BTBD2: variants seen among roughly 807,000 people sequenced by gnomAD.
BTBD2 encodes BTB domain containing 2, also known as BTB/POZ domain-containing protein 2.
A neutral mutation model predicts 44.0 loss-of-function variants in BTBD2; 15 were observed. That is an observed-to-expected ratio of 0.34 (90% CI 0.23 to 0.53). The LOEUF is 0.53. Ranked by LOEUF, BTBD2 falls within the 20% of genes least tolerant of loss-of-function variation. BTBD2 has a pLI of 0.95. For missense variants in BTBD2, 657 were observed against 746.4 expected (o/e 0.88, Z 1.39); for synonymous variants, 443 against 335.9 (o/e 1.32, Z -3.49).
At chr19:1,990,492 T>C in intron 4 of BTBD2, 1 of 610,062 alleles carries the variant, frequency 1.6e-6, no homozygotes, top group Non-Finnish European at 2.9e-6. Context: ...GAGGACGAGA[T>C]GGTCACCATC....
At chr19:1,990,612 C>T in intron 4 of BTBD2, 105 bp downstream of exon 4, 1 of 1,075,182 alleles carries the variant, frequency 9.3e-7, no homozygotes, top group East Asian at 2.6e-5. Flanking sequence ...GAGGCCCCAG[C>T]TCACCTGTGC....
At chr19:1,999,685 GT>G (rs1568219033) in intron 1 of BTBD2, among the ~76,000 whole-genome samples, 12 of 151,880 alleles carry the variant, frequency 7.9e-5, no homozygotes, top group Middle Eastern at 3.4e-3. Flanking sequence ...AAAAGGCCAG[GT>G]GCAGTGGCTC....
rs924797715 is a variant in BTBD2, at chr19:1,986,211, C to T, written c.*277G>A. ...GAGCTGCGGGTCCGTGGGCCCTGGC[C>T]CAGGCCGGCACAGCCCTGTCCCTAG... On this transcript the variant is annotated 3_prime_UTR_variant, in exon 9 of 9. Coordinates refer to ENST00000255608, the MANE Select transcript of BTBD2 (RefSeq NM_017797.4). The T allele has an allele frequency of 3.6e-5, 16 of 448,528 alleles. No individual in the cohort carries two copies. Among genetic ancestry groups the T allele is most frequent in the Non-Finnish European group, 6.0e-5 (15 of 249,264 alleles). 27.8% of individuals were successfully genotyped at this position (448,528 alleles called of 1,614,324 possible).
At chr19:1,997,583 A>C (rs2016268377) in intron 1 of BTBD2, 120 bp from the exon 2 acceptor site, 2 of 1,444,498 alleles carry the variant, frequency 1.4e-6, no homozygotes, top group Admixed American at 2.0e-5. Flanking sequence ...TCCAGCAGGC[A>C]TGTACCAGGC....
chr19:1,987,439 C>A (rs545005311), intron 6 of BTBD2, 61 bp downstream of exon 6: 5 of 1,326,786 alleles, frequency 3.8e-6, no homozygotes, highest in Non-Finnish European at 5.1e-6. Context: ...CCCCCATCTC[C>A]GTCATCCCCG....
intron 1 of BTBD2, among the ~76,000 whole-genome samples, chr19:2,009,430 C>T (rs1489764799): frequency 6.6e-6 from 1 of 151,532 alleles, no homozygotes; most frequent in African/African-American, 2.4e-5. Context: ...AAATTCCTGA[C>T]CTCGTGATCC....
At chr19:2,010,764 G>A (rs1298479335) in intron 1 of BTBD2, among the ~76,000 whole-genome samples, 4 of 151,958 alleles carry the variant, frequency 2.6e-5, no homozygotes, top group Non-Finnish European at 4.4e-5. Flanking sequence ...CTCAGACTCT[G>A]AGTAGCTGGG....
intron 1 of BTBD2, among the ~76,000 whole-genome samples, 164 bp from the exon 2 acceptor site, chr19:1,997,627 G>A (rs1369674908): frequency 2.0e-5 from 3 of 152,214 alleles, no homozygotes; most frequent in African/African-American, 7.2e-5. Context: ...AAGGGGCCTG[G>A]GACAGCAGGA....
At chr19:2,013,851 A>G (rs1005152614) in intron 1 of BTBD2, 1 of 164,348 alleles carries the variant, frequency 6.1e-6, no homozygotes. Flanking sequence ...GTCTTGGCGC[A>G]CAGGGGTGCG....
chr19:1,999,957 A>G lies in BTBD2; in HGVS notation c.408-2494T>C, dbSNP rs2016306870. On this transcript the variant is annotated intron_variant, in intron 1 of 8. Coordinates refer to ENST00000255608, the MANE Select transcript of BTBD2 (RefSeq NM_017797.4). ...TGCTTGGGTGACAGAGCAAGACTAAAGACTCCACCTCAAAAAAAAAAAAAA... is the reference window on the plus strand; with the variant it reads ...TGCTTGGGTGACAGAGCAAGACTAAGGACTCCACCTCAAAAAAAAAAAAAA... 2.1e-5 allele frequency among the ~76,000 whole-genome samples: 3 copies of G among 146,100 alleles called. 1 individual carries two copies. The Admixed American group carries it at 2.1e-4, about 10-fold the overall frequency.
chr19:1,986,623 T>C lies in BTBD2; in HGVS notation c.1443A>G (p.Lys481=). ...ACTCGTGTGTCACCTTGCGCAGGCC[T>C]TTGGTGCCGTAGTGGGAGTCTGGGC... ...LKGPDSHYGT[K]GLRKVTHESP... Residue 481 remains lysine, a synonymous_variant, in exon 9 of 9, where the codon AAA becomes AAG. Coordinates refer to ENST00000255608, the MANE Select transcript of BTBD2 (RefSeq NM_017797.4). 6.2e-7 allele frequency: 1 copy of C among 1,613,834 alleles called. No homozygotes were observed. The highest frequency in any genetic ancestry group is 8.5e-7 in the Non-Finnish European group (1 of 1,179,870).
rs1369993675 is a variant in BTBD2, at chr19:1,990,727, G to C, written c.780C>G (p.Asp260Glu). Residue 260 changes from aspartate (D) to glutamate (E), a missense_variant, in exon 4 of 9, where the codon GAC becomes GAG. Transcript: ENST00000255608. The stretch of plus-strand genomic sequence containing the variant: ...CTCCTGGGCCCTTACCCAGGTCAAT[G>C]TCGGTGAAGCCCTCCGCGGTGATGG... ...ADAITAEGFT[D>E]IDLDTLVAVL... 1 of 1,601,090 alleles carries C rather than the reference G, an allele frequency of 6.2e-7. No homozygotes were observed.
Position 1,986,657 on chromosome 19 carries a change from G to A in BTBD2, c.1417-8C>T, listed in dbSNP as rs907244774. 5 of 1,613,234 alleles carry A rather than the reference G, an allele frequency of 3.1e-6. No homozygotes were observed. In the South Asian group the frequency reaches 4.4e-5, roughly 14 times the overall value. On this transcript the variant is annotated splice_polypyrimidine_tract_variant and splice_region_variant and intron_variant, in intron 8 of 8. Transcript: ENST00000255608. The stretch of plus-strand genomic sequence containing the variant: ...GTAGTGGGAGTCTGGGCCCTGTAGG[G>A]AATAGGGGTACAGTGAGGTCAAGGA...
rs566520728 is a variant in BTBD2, at chr19:1,992,856, G to A, written c.684+164C>T. 7.2e-5 allele frequency among the ~76,000 whole-genome samples: 11 copies of A among 152,300 alleles called. No individual in the cohort carries two copies. The East Asian group carries it at 2.1e-3, about 29-fold the overall frequency. On this transcript the variant is annotated intron_variant, in intron 3 of 8. Transcript: ENST00000255608. ...CAAAGTGCCGGGATTACAGGCGTGA[G>A]CAACCACGCCCGGCCCAAAACACAT...
rs778301097 is a variant in BTBD2, at chr19:1,986,669, A to G, written c.1417-20T>C. 1.2e-6 allele frequency: 2 copies of G among 1,611,700 alleles called. No homozygotes were observed. The highest frequency in any genetic ancestry group is 8.5e-7 in the Non-Finnish European group (1 of 1,178,414). ...TGGGCCCTGTAGGGAATAGGGGTACAGTGAGGTCAAGGACCACCAGGCTGG... is the reference window on the plus strand; with the variant it reads ...TGGGCCCTGTAGGGAATAGGGGTACGGTGAGGTCAAGGACCACCAGGCTGG... On this transcript the variant is annotated intron_variant, in intron 8 of 8. Transcript: ENST00000255608.
In BTBD2 at chr19:1,987,259, G is replaced by A. The variant is rs780648268; in HGVS notation, c.1182-6C>T. 2.4e-5 allele frequency: 39 copies of A among 1,613,676 alleles called. 2 individuals are homozygous for A. Among genetic ancestry groups the A allele is most frequent in the South Asian group, 1.1e-4 (10 of 91,076 alleles). ...TGCGCTTGTTGACTGAGAACCTGCC[G>A]TGGCAGATGACAGGCAGCAGCGTGG... On this transcript the variant is annotated splice_polypyrimidine_tract_variant and splice_region_variant and intron_variant, in intron 6 of 8. Transcript: ENST00000255608.
chr19:1,993,047 G>A lies in BTBD2; in HGVS notation c.657C>T (p.Ala219=), dbSNP rs754770502. 5 of 1,601,048 alleles carry A rather than the reference G, an allele frequency of 3.1e-6. No individual in the cohort carries two copies. Among genetic ancestry groups the A allele is most frequent in the African/African-American group, 1.3e-5 (1 of 74,642 alleles). ...GCGTGAGCAGCATGAAGGCGTTGTC[G>A]GCTCGCAGGTTCTTCTTCAGGAACT... ...CVEFLKKNLR[A]DNAFMLLTQA... Residue 219 remains alanine, a synonymous_variant, in exon 3 of 9, where the codon GCC becomes GCT. Coordinates refer to ENST00000255608, the MANE Select transcript of BTBD2 (RefSeq NM_017797.4).
In BTBD2 at chr19:1,994,108, G is replaced by A. The variant is rs921101430; in HGVS notation, c.528-932C>T. The stretch of plus-strand genomic sequence containing the variant: ...GAGGCGGGCAGATCACTTGAGGCCA[G>A]GAGTTAGAGACTAGCCTGGCCGACA... On this transcript the variant is annotated intron_variant, in intron 2 of 8. Coordinates refer to ENST00000255608, the MANE Select transcript of BTBD2 (RefSeq NM_017797.4). Among the ~76,000 whole-genome samples the A allele has an allele frequency of 4.7e-5, 7 of 150,446 alleles. No homozygotes were observed. In the East Asian group the frequency reaches 1.4e-3, roughly 30 times the overall value.
rs575861093 is a variant in BTBD2 at position 1,997,784 on chromosome 19, G to A, written c.408-321C>T. On this transcript the variant is annotated intron_variant, in intron 1 of 8. Transcript: ENST00000255608. ...CGCACTCATTCACTCATTCCCATATGCATGCATTTATTCACACGTGTTCAT... is the reference window on the plus strand; with the variant it reads ...CGCACTCATTCACTCATTCCCATATACATGCATTTATTCACACGTGTTCAT... Among the ~76,000 whole-genome samples the A allele has an allele frequency of 3.3e-4, 50 of 152,342 alleles. 2 individuals are homozygous for A. Among genetic ancestry groups the A allele is most frequent in the African/African-American group, 1.2e-3 (48 of 41,570 alleles).
Sources: allele counts gnomAD v4.1 joint callset (sites outside exome capture counted in the v4.1 genomes callset), GRCh38; gene constraint gnomAD v4.1.1; transcripts MANE v1.5; gene names NCBI Gene and HGNC (gene_info 2026-07-23, HGNC 2026-07-21).